Variants in CNTN4 observed in about 807,000 individuals in gnomAD.
CNTN4 encodes contactin 4, also known as contactin-4.
Under a neutral mutation model 122.5 loss-of-function variants are expected in CNTN4, and 77 were observed. The observed-to-expected ratio is 0.63, with a 90% confidence interval of 0.52 to 0.76. CNTN4 has a LOEUF of 0.76. Among genes scored for constraint, CNTN4 ranks in the 30% least tolerant of loss-of-function variants. The pLI is 0.00. For synonymous variants in CNTN4, 512 were observed against 447.0 expected, an observed-to-expected ratio of 1.15 and a Z score of -1.83; for missense variants, 1,256 against 1,259.1, an observed-to-expected ratio of 1.00 and a Z score of 0.04.
chr3:2,176,938 A>G lies in CNTN4; in HGVS notation c.-145+76299A>G, dbSNP rs116405395. On this transcript the variant is annotated intron_variant, in intron 2 of 24. Coordinates refer to ENST00000418658, the MANE Select transcript of CNTN4 (RefSeq NM_175607.3). ...ATGGAAGTCAGGAGAAAATCAACAA[A>G]GAGTCACCTTTGTACCCAAGAAAAC... Among the ~76,000 whole-genome samples, 692 of 149,060 alleles carry G rather than the reference A, an allele frequency of 4.6e-3. 6 individuals are homozygous for G. The highest frequency in any genetic ancestry group is 0.016 in the African/African-American group (658 of 41,448).
chr3:2,361,844 G>T (rs1426403093), intron 3 of CNTN4, among the ~76,000 whole-genome samples: 1 of 152,180 alleles, frequency 6.6e-6, no homozygotes, highest in Non-Finnish European at 1.5e-5. Flanking sequence ...TAGACACATT[G>T]TTCTCATTAG....
In CNTN4 at chr3:2,575,244, G is replaced by A. The variant is rs142438695; in HGVS notation, c.55+3686G>A. On this transcript the variant is annotated intron_variant, in intron 4 of 24. Coordinates refer to ENST00000418658, the MANE Select transcript of CNTN4 (RefSeq NM_175607.3). ...TAAAAAAAATAAGGCCAGGCACAGTGGCTCATGCCTGTAATCCCAGCACTT... is the reference window on the plus strand; with the variant it reads ...TAAAAAAAATAAGGCCAGGCACAGTAGCTCATGCCTGTAATCCCAGCACTT... Among the ~76,000 whole-genome samples the A allele has an allele frequency of 3.8e-3, 583 of 152,134 alleles. 1 individual carries two copies. The highest frequency in any genetic ancestry group is 0.01 in the Middle Eastern group (3 of 294).
At chr3:2,680,923 A>G (rs1160276628) in intron 4 of CNTN4, among the ~76,000 whole-genome samples, 1 of 152,214 alleles carries the variant, frequency 6.6e-6, no homozygotes, top group African/African-American at 2.4e-5. Context: ...TAGATGTTCT[A>G]CAGTTGTAAA....
chr3:2,284,151 G>A (rs752385656), intron 2 of CNTN4, among the ~76,000 whole-genome samples: 2 of 152,100 alleles, frequency 1.3e-5, no homozygotes, highest in African/African-American at 4.8e-5. Context: ...TGAGGTTCAG[G>A]CAGAGGAATT....
At chr3:2,632,956 AGTATATATAATTTATATTTT>A (rs1452975124) in intron 4 of CNTN4, among the ~76,000 whole-genome samples, 1 of 149,444 alleles carries the variant, frequency 6.7e-6, no homozygotes, top group African/African-American at 2.4e-5. Flanking sequence ...TACAAGTAAT[AGTATATATAATTTATATTTT>A]GTATATATAA....
At chr3:2,767,297 CTT>C (rs529196235) in intron 6 of CNTN4, among the ~76,000 whole-genome samples, 19 of 152,218 alleles carry the variant, frequency 1.2e-4, no homozygotes, top group Middle Eastern at 3.4e-3. Flanking sequence ...CTTCCAAAGA[CTT>C]TATTTCTTTT....
chr3:2,480,111 G>T (rs190245227), intron 3 of CNTN4, among the ~76,000 whole-genome samples: 1 of 150,110 alleles, frequency 6.7e-6, no homozygotes, highest in Non-Finnish European at 1.5e-5. Context: ...ATAGAGAAGC[G>T]CTTCCTCAAC....
rs573430894 is a variant in CNTN4 at position 2,748,002 on chromosome 3, TC to T, written c.358+2306del. ...ATGATCATGTCCCTTGTCCCATAAT[TC>T]TTTTCTTCCCAATTAATTAATCCAC... On this transcript the variant is annotated intron_variant, in intron 6 of 24. Coordinates refer to ENST00000418658, the MANE Select transcript of CNTN4 (RefSeq NM_175607.3). Among the ~76,000 whole-genome samples, 24 of 152,326 alleles carry T rather than the reference TC, an allele frequency of 1.6e-4. 1 individual carries two copies. In the South Asian group the frequency reaches 5.0e-3, roughly 32 times the overall value.
At chr3:2,229,789 A>G (rs2039417409) in intron 2 of CNTN4, among the ~76,000 whole-genome samples, 1 of 152,208 alleles carries the variant, frequency 6.6e-6, no homozygotes. Flanking sequence ...AATAATTATT[A>G]ATAATTTATT....
intron 8 of CNTN4, among the ~76,000 whole-genome samples, chr3:2,875,831 T>C (rs1294949869): frequency 4.6e-5 from 7 of 152,246 alleles, no homozygotes; most frequent in East Asian, 1.9e-4. Flanking sequence ...AGGAAAAACA[T>C]AGGAGTACTT....
intron 6 of CNTN4, among the ~76,000 whole-genome samples, chr3:2,811,229 G>GT (rs1435911672): frequency 6.6e-6 from 1 of 151,218 alleles, no homozygotes; most frequent in Non-Finnish European, 1.5e-5. Context: ...GGCCAATGTG[G>GT]GAAACCTGTC....
At chr3:2,859,481 G>A (rs1183918776) in intron 7 of CNTN4, among the ~76,000 whole-genome samples, 1 of 151,034 alleles carries the variant, frequency 6.6e-6, no homozygotes, top group East Asian at 1.9e-4. Flanking sequence ...CCTGTGCACT[G>A]TCACTCTTCA....
chr3:2,618,550 A>T (rs555699705), intron 4 of CNTN4, among the ~76,000 whole-genome samples: 4 of 152,310 alleles, frequency 2.6e-5, no homozygotes, highest in African/African-American at 7.2e-5. Context: ...TGAAATAGGT[A>T]TATTGATCCT....
At chr3:2,317,546 G>A (rs543662342) in intron 2 of CNTN4, among the ~76,000 whole-genome samples, 19 of 152,212 alleles carry the variant, frequency 1.2e-4, no homozygotes, top group African/African-American at 4.1e-4. Flanking sequence ...ATACCCATTG[G>A]TTCGTTGTGC....
chr3:2,306,177 C>G (rs1174065655), intron 2 of CNTN4, among the ~76,000 whole-genome samples: 1 of 152,072 alleles, frequency 6.6e-6, no homozygotes, highest in Admixed American at 6.5e-5. Flanking sequence ...TATGGTAAAG[C>G]TATGATGAAC....
At position 3,056,011 on chromosome 3, in the gene CNTN4, AT is replaced by A; in HGVS notation, c.2981-106del. 1.1e-5 allele frequency: 8 copies of A among 732,952 alleles called. No homozygotes were observed. The South Asian group carries it at 1.3e-4, about 12-fold the overall frequency. 45.4% of individuals were successfully genotyped at this position (732,952 alleles called of 1,614,324 possible). Reference sequence around the variant, plus strand: ...AAAAGCCATTAAGACCTTGATCATCATTTCCAGTAGAATCCATGCAGTTCTG... The same window carrying A: ...AAAAGCCATTAAGACCTTGATCATCATTCCAGTAGAATCCATGCAGTTCTG... On this transcript the variant is annotated intron_variant, in intron 24 of 24. Transcript: ENST00000418658.
At chr3:2,194,685 A>T (rs898363593) in intron 2 of CNTN4, among the ~76,000 whole-genome samples, 3 of 152,200 alleles carry the variant, frequency 2.0e-5, no homozygotes, top group Non-Finnish European at 4.4e-5. Flanking sequence ...TGGCATCATT[A>T]TAAGGAGAGG....
chr3:2,660,849 G>C (rs1475533655), intron 4 of CNTN4, among the ~76,000 whole-genome samples: 2 of 152,180 alleles, frequency 1.3e-5, no homozygotes, highest in African/African-American at 4.8e-5. Flanking sequence ...AAGAATCAGA[G>C]GCAATTTAAT....
intron 13 of CNTN4, 76 bp from the exon 14 acceptor site, chr3:2,988,269 A>G (rs1316217622): frequency 7.3e-7 from 1 of 1,363,354 alleles, no homozygotes; most frequent in East Asian, 2.3e-5. Flanking sequence ...GAACAATGAC[A>G]GAATGACAGA....
Sources: gnomAD v4.1 joint callset for allele counts (sites outside exome capture counted in the v4.1 genomes callset) on GRCh38, gnomAD v4.1.1 for gene constraint, MANE v1.5 for transcripts, NCBI Gene and HGNC (gene_info 2026-07-23, HGNC 2026-07-21) for gene names.